The following CCDC192 variants were observed in gnomAD, a reference collection of about 807,000 sequenced individuals.
The protein encoded by CCDC192 is coiled-coil domain-containing protein 192.
intron 2 of CCDC192, among the ~76,000 whole-genome samples, chr5:127,719,408 T>C (rs974426257): frequency 1.4e-5 from 2 of 146,882 alleles, no homozygotes; most frequent in Non-Finnish European, 3.0e-5. Context: ...ATATTTTATA[T>C]ATACATACAT....
In CCDC192 at chr5:127,786,712, T is replaced by A. The variant is rs1756559540; in HGVS notation, c.223-10391T>A. 4.6e-5 allele frequency: 34 copies of A among 734,536 alleles called. 1 individual carries two copies. In the South Asian group the frequency reaches 4.6e-4, roughly 10 times the overall value. The allele number at this position is 734,536 out of a possible 1,614,324, so 45.5% of individuals were successfully genotyped here. On this transcript the variant is annotated intron_variant, in intron 3 of 6. Coordinates refer to ENST00000514853, the MANE Select transcript of CCDC192 (RefSeq NM_001317938.2). Reference sequence around the variant, plus strand: ...TGAGTGTAGAATTTCAGTACACTCTTGTCCATCAAATCTTCTCCATGCTTA... The same window carrying A: ...TGAGTGTAGAATTTCAGTACACTCTAGTCCATCAAATCTTCTCCATGCTTA...
chr5:127,848,711 G>A (rs1750670510), intron 5 of CCDC192, among the ~76,000 whole-genome samples: 1 of 152,170 alleles, frequency 6.6e-6, no homozygotes, highest in South Asian at 2.1e-4. Flanking sequence ...GTTAATATAT[G>A]TAAAGTGCTT....
intron 6 of CCDC192, among the ~76,000 whole-genome samples, chr5:127,925,285 T>C (rs1056910182): frequency 1.6e-5 from 2 of 128,410 alleles, no homozygotes; most frequent in African/African-American, 3.8e-5. Flanking sequence ...AAAAATCTTG[T>C]TTGAGTCCCC....
At chr5:127,717,595 T>C (rs193198324) in intron 2 of CCDC192, among the ~76,000 whole-genome samples, 1 of 152,206 alleles carries the variant, frequency 6.6e-6, no homozygotes, top group Admixed American at 6.5e-5. Flanking sequence ...ATTGACTAAA[T>C]TCTTAATATT....
chr5:127,849,316 C>A (rs191807456), intron 5 of CCDC192, among the ~76,000 whole-genome samples: 1 of 152,066 alleles, frequency 6.6e-6, no homozygotes, highest in Admixed American at 6.6e-5. Context: ...GTTCTACAGC[C>A]AGGATTCCCA....
intron 5 of CCDC192, among the ~76,000 whole-genome samples, chr5:127,825,302 A>G (rs1028342965): frequency 5.9e-5 from 9 of 152,242 alleles, no homozygotes; most frequent in African/African-American, 2.2e-4. Flanking sequence ...GATCATCAAG[A>G]GTACAACTTT....
intron 2 of CCDC192, among the ~76,000 whole-genome samples, chr5:127,751,403 G>C (rs1754161722): frequency 6.6e-6 from 1 of 151,810 alleles, no homozygotes; most frequent in African/African-American, 2.4e-5. Flanking sequence ...TGAAATTCTG[G>C]GTTGAAAATT....
chr5:127,721,246 C>T lies in CCDC192; in HGVS notation c.114+13486C>T, dbSNP rs117814718. Among the ~76,000 whole-genome samples the T allele has an allele frequency of 2.6e-5, 4 of 152,300 alleles. No individual in the cohort carries two copies. In the East Asian group the frequency reaches 5.8e-4, roughly 22 times the overall value. On this transcript the variant is annotated intron_variant, in intron 2 of 6. Coordinates refer to ENST00000514853, the MANE Select transcript of CCDC192 (RefSeq NM_001317938.2). ...TGCATATGACCATATGCTGTTAGAA[C>T]CAGCCAGCGCATATCTTGAATGCTT...
intron 5 of CCDC192, among the ~76,000 whole-genome samples, chr5:127,872,107 G>C (rs1214917956): frequency 6.6e-6 from 1 of 152,140 alleles, no homozygotes; most frequent in African/African-American, 2.4e-5. Flanking sequence ...TGCCCAAAGG[G>C]CTTGGTTAAA....
chr5:127,922,479 C>G (rs1753749251), intron 6 of CCDC192, among the ~76,000 whole-genome samples: 1 of 152,220 alleles, frequency 6.6e-6, no homozygotes, highest in South Asian at 2.1e-4. Context: ...TGGCTCATGC[C>G]TGTAATCCCA....
At chr5:127,781,115 G>A (rs1316888260) in intron 3 of CCDC192, among the ~76,000 whole-genome samples, 1 of 152,024 alleles carries the variant, frequency 6.6e-6, no homozygotes, top group Admixed American at 6.5e-5. Flanking sequence ...GTTTTTGTTT[G>A]CTTTGTCAAA....
intron 3 of CCDC192, among the ~76,000 whole-genome samples, chr5:127,774,788 A>C (rs938766135): frequency 1.3e-5 from 2 of 152,214 alleles, no homozygotes; most frequent in African/African-American, 4.8e-5. Flanking sequence ...TTCTGAAAAA[A>C]AGAAGCCATC....
chr5:127,833,049 G>A lies in CCDC192; in HGVS notation c.411+34887G>A, dbSNP rs77748457. Among the ~76,000 whole-genome samples, 596 of 152,260 alleles carry A rather than the reference G, an allele frequency of 3.9e-3. 3 individuals are homozygous for A. Among genetic ancestry groups the A allele is most frequent in the African/African-American group, 0.013 (560 of 41,556 alleles). On this transcript the variant is annotated intron_variant, in intron 5 of 6. Transcript: ENST00000514853. ...TAAAAGGCTTAGCCCTCTTGTAAAA[G>A]ATGATCTTATTCTTAGGTTATTGTC...
chr5:127,893,835 A>G (rs1199341280), intron 6 of CCDC192, among the ~76,000 whole-genome samples: 1 of 152,214 alleles, frequency 6.6e-6, no homozygotes, highest in Non-Finnish European at 1.5e-5. Flanking sequence ...CCTATTTTTA[A>G]AAATTCAGCA....
intron 3 of CCDC192, among the ~76,000 whole-genome samples, chr5:127,788,083 GA>G (rs60238996): frequency 2.0e-3 from 189 of 94,650 alleles, no homozygotes; most frequent in African/African-American, 3.8e-3. Flanking sequence ...CTTCACCTCA[GA>G]AAAAAAAAAA....
intron 5 of CCDC192, among the ~76,000 whole-genome samples, chr5:127,844,833 C>G (rs1175125075): frequency 6.6e-6 from 1 of 152,176 alleles, no homozygotes; most frequent in Non-Finnish European, 1.5e-5. Context: ...CAGCAGGTGT[C>G]CCTAAAATAC....
chr5:127,922,918 C>T (rs928096530), intron 6 of CCDC192, among the ~76,000 whole-genome samples: 3 of 152,078 alleles, frequency 2.0e-5, no homozygotes, highest in South Asian at 2.1e-4. Flanking sequence ...AAATAAATAC[C>T]GGTAGAAACA....
Position 127,708,340 on chromosome 5 carries a change from G to T in CCDC192, c.114+580G>T, listed in dbSNP as rs145756045. Among the ~76,000 whole-genome samples, 508 of 152,322 alleles carry T rather than the reference G, an allele frequency of 3.3e-3. 2 individuals carry two copies. Among genetic ancestry groups the T allele is most frequent in the Middle Eastern group, 0.031 (9 of 294 alleles). ...CCCTCCCTAGGCCTCCAGTGAAAGT[G>T]TGGGTTGCTAAGAGGTGCTGGAGCT... On this transcript the variant is annotated intron_variant, in intron 2 of 6. Coordinates refer to ENST00000514853, the MANE Select transcript of CCDC192 (RefSeq NM_001317938.2).
rs138041087 is a variant in CCDC192 at position 127,887,241 on chromosome 5, A to G, written c.535+11580A>G. 5.6e-3 allele frequency among the ~76,000 whole-genome samples: 838 copies of G among 149,966 alleles called. 10 individuals are homozygous for G. Among genetic ancestry groups the G allele is most frequent in the African/African-American group, 0.02 (800 of 40,552 alleles). ...CTACTCTGGAGGCTGAGGCATGAGGATCACTTGAACCCAGGAGGTGGAGGT... is the reference window on the plus strand; with the variant it reads ...CTACTCTGGAGGCTGAGGCATGAGGGTCACTTGAACCCAGGAGGTGGAGGT... On this transcript the variant is annotated intron_variant, in intron 6 of 6. Transcript: ENST00000514853.
Sources: gnomAD v4.1 joint callset for allele counts (sites outside exome capture counted in the v4.1 genomes callset) on GRCh38, gnomAD v4.1.1 for gene constraint, MANE v1.5 for transcripts, NCBI Gene and HGNC (gene_info 2026-07-23, HGNC 2026-07-21) for gene names.